The following DIAPH3 variants were observed in gnomAD, a reference collection of about 807,000 sequenced individuals.
DIAPH3 encodes diaphanous related formin 3.
In DIAPH3, 117 loss-of-function variants were observed where a neutral mutation model predicts 144.3. That is an observed-to-expected ratio of 0.81 (90% CI 0.70 to 0.95). The LOEUF (loss-of-function observed/expected upper bound fraction) is 0.95. Ranked by LOEUF, DIAPH3 falls within the 40% of genes least tolerant of loss-of-function variation. The pLI is 0.00. For synonymous variants in DIAPH3, 519 were observed against 488.9 expected (o/e 1.06, Z -0.81); for missense variants, 1,421 against 1,412.7 (o/e 1.01, Z -0.09).
chr13:59,990,397 A>T (rs1392474740), intron 12 of DIAPH3, among the ~76,000 whole-genome samples: 5 of 151,962 alleles, frequency 3.3e-5, no homozygotes, highest in Admixed American at 3.3e-4. Flanking sequence ...AAACACCCAA[A>T]GTATAAGAGA....
intron 27 of DIAPH3, among the ~76,000 whole-genome samples, chr13:59,670,602 T>G (rs2032309041): frequency 6.7e-6 from 1 of 149,518 alleles, no homozygotes; most frequent in East Asian, 2.0e-4. Context: ...TTTTTTTTTT[T>G]GAGACAGTCT....
chr13:60,083,896 TATGGATGGACAGATGG>T (rs2057650752), intron 4 of DIAPH3, among the ~76,000 whole-genome samples: 2 of 147,574 alleles, frequency 1.4e-5, no homozygotes, highest in Admixed American at 1.4e-4. Context: ...AGCAAGACCC[TATGGATGGACAGATGG>T]ATGGATGGAT....
At chr13:59,773,958 T>C in intron 27 of DIAPH3, 1 of 471,094 alleles carries the variant, frequency 2.1e-6, no homozygotes, top group Admixed American at 3.8e-5. Flanking sequence ...ATTATAATAA[T>C]AAAAAATTCA....
chr13:59,721,727 T>C (rs1418799351), intron 27 of DIAPH3, among the ~76,000 whole-genome samples: 3 of 152,094 alleles, frequency 2.0e-5, no homozygotes. Flanking sequence ...GGGCAAGAGG[T>C]TGTACCATAC....
At chr13:59,983,139 T>TAAAAAAA in intron 13 of DIAPH3, among the ~76,000 whole-genome samples, 1 of 104,692 alleles carries the variant, frequency 9.6e-6, no homozygotes, top group African/African-American at 3.8e-5. Flanking sequence ...GCTTTATCTT[T>TAAAAAAA]AAAAAAAAAA....
intron 21 of DIAPH3, among the ~76,000 whole-genome samples, chr13:59,864,469 A>C (rs1440776630): frequency 6.6e-6 from 1 of 151,960 alleles, no homozygotes; most frequent in Non-Finnish European, 1.5e-5. Context: ...TGGAACGTTA[A>C]GACAATCACC....
chr13:59,959,473 G>T (rs995523279), intron 17 of DIAPH3, among the ~76,000 whole-genome samples: 2 of 152,196 alleles, frequency 1.3e-5, no homozygotes, highest in Non-Finnish European at 2.9e-5. Context: ...GGGAAGAGCA[G>T]AATGGATTAC....
intron 25 of DIAPH3, among the ~76,000 whole-genome samples, chr13:59,790,547 C>A (rs1484371768): frequency 1.3e-5 from 2 of 151,952 alleles, no homozygotes; most frequent in Non-Finnish European, 1.5e-5. Context: ...TTTATTCTGC[C>A]CAAATATAAT....
intron 4 of DIAPH3, among the ~76,000 whole-genome samples, chr13:60,047,333 A>G (rs1404862750): frequency 1.3e-5 from 2 of 152,162 alleles, no homozygotes; most frequent in Non-Finnish European, 1.5e-5. Context: ...TGTTTTGTAG[A>G]AATTGAAAAC....
intron 17 of DIAPH3, among the ~76,000 whole-genome samples, chr13:59,935,941 T>A (rs1266158901): frequency 6.6e-6 from 1 of 152,184 alleles, no homozygotes; most frequent in Non-Finnish European, 1.5e-5. Context: ...GTAGCAATCA[T>A]AAAAAATGTA....
intron 5 of DIAPH3, among the ~76,000 whole-genome samples, chr13:60,032,422 A>G (rs898509964): frequency 6.6e-6 from 1 of 152,078 alleles, no homozygotes; most frequent in Non-Finnish European, 1.5e-5. Flanking sequence ...TTCTCCATAT[A>G]TCCTCTAAAA....
chr13:59,980,663 G>T, intron 14 of DIAPH3, 132 bp downstream of exon 14: 1 of 787,156 alleles, frequency 1.3e-6, no homozygotes, highest in Non-Finnish European at 2.2e-6. Context: ...GTCCTCCTTG[G>T]TGGAGGGCAT....
chr13:59,839,831 CTT>C (rs1317591456), intron 22 of DIAPH3, among the ~76,000 whole-genome samples: 1 of 152,150 alleles, frequency 6.6e-6, no homozygotes, highest in African/African-American at 2.4e-5. Flanking sequence ...AAAATCATCT[CTT>C]GACAGGGAAC....
At chr13:60,063,267 T>C (rs1215878369) in intron 4 of DIAPH3, among the ~76,000 whole-genome samples, 4 of 152,228 alleles carry the variant, frequency 2.6e-5, no homozygotes, top group Non-Finnish European at 4.4e-5. Context: ...AGCTTTATCA[T>C]AACATTGCAG....
At chr13:59,918,596 C>T (rs1166405650) in intron 18 of DIAPH3, among the ~76,000 whole-genome samples, 1 of 152,116 alleles carries the variant, frequency 6.6e-6, no homozygotes, top group African/African-American at 2.4e-5. Flanking sequence ...AAATTTCCAG[C>T]CTGGGCTGCA....
chr13:59,668,951 G>A (rs1157099048), intron 27 of DIAPH3, among the ~76,000 whole-genome samples: 2 of 151,986 alleles, frequency 1.3e-5, no homozygotes, highest in Non-Finnish European at 2.9e-5. Flanking sequence ...ATAGATTGAG[G>A]GGTAAAAGCA....
intron 3 of DIAPH3, among the ~76,000 whole-genome samples, chr13:60,094,935 G>A (rs1326916828): frequency 2.0e-5 from 3 of 152,142 alleles, no homozygotes; most frequent in Admixed American, 6.5e-5. Flanking sequence ...ATAAGTGTTT[G>A]TTTTGTTTCG....
At chr13:59,938,789 A>AT (rs1337223167) in intron 17 of DIAPH3, among the ~76,000 whole-genome samples, 9 of 152,178 alleles carry the variant, frequency 5.9e-5, no homozygotes, top group African/African-American at 2.2e-4. Context: ...TTTTAAAAAT[A>AT]ATCTTCCTGA....
chr13:60,093,177 C>T (rs953211599), intron 4 of DIAPH3, among the ~76,000 whole-genome samples: 6 of 152,194 alleles, frequency 3.9e-5, no homozygotes, highest in African/African-American at 1.4e-4. Context: ...ATGCTCCTTT[C>T]AATACCAACA....
Sources: allele counts gnomAD v4.1 joint callset (sites outside exome capture counted in the v4.1 genomes callset), GRCh38; gene constraint gnomAD v4.1.1; transcripts MANE v1.5; gene names NCBI Gene and HGNC (gene_info 2026-07-23, HGNC 2026-07-21).